Variants in NSD3 observed in about 807,000 individuals in gnomAD.
The protein encoded by NSD3 is histone-lysine N-methyltransferase NSD3.
A neutral mutation model predicts 160.8 loss-of-function variants in NSD3; 24 were observed. The observed-to-expected ratio is 0.15, with a 90% CI of 0.11 to 0.21. NSD3 has a LOEUF of 0.21. NSD3 is among the 10% of genes least tolerant of loss of function. The probability of loss-of-function intolerance (pLI) is 1.00; values close to 1 mark genes in which losing one functional copy is unlikely to be tolerated. For missense variants in NSD3, 1,157 were observed against 1,735.9 expected, an observed-to-expected ratio of 0.67 and a Z score of 5.93; for synonymous variants, 520 against 600.0, an observed-to-expected ratio of 0.87 and a Z score of 1.95.
rs1224355679 is a variant in NSD3 at position 38,317,571 on chromosome 8, AT to A, written c.1855+1323del. ...GATAACGGCACTAATATTAAAAAAA[AT>A]AAGAACTTTTAATGATTGTAATGTA... is the stretch of plus-strand genomic sequence containing the variant. On this transcript the variant is annotated intron_variant, in intron 9 of 23. Transcript: ENST00000317025. The surrounding 1 kb of genome is among the most constrained non-coding windows in gnomAD (Gnocchi z 5.3). 4 of 1,072,348 alleles carry A rather than the reference AT, an allele frequency of 3.7e-6. No homozygotes were observed. Among genetic ancestry groups the A allele is most frequent in the East Asian group, 5.2e-5 (1 of 19,402 alleles). 66.4% of individuals were successfully genotyped at this position (1,072,348 alleles called of 1,614,324 possible). A position where few individuals can be genotyped will look rare whatever the true frequency, so the allele number is the denominator to read the frequency against.
intron 1 of NSD3, among the ~76,000 whole-genome samples, chr8:38,379,725 G>C (rs1811489441): frequency 6.6e-6 from 1 of 152,158 alleles, no homozygotes; most frequent in South Asian, 2.1e-4. Context: ...AGTTCAACTG[G>C]TTTGAGTCCA....
At chr8:38,372,303 A>G (rs1316237836) in intron 1 of NSD3, among the ~76,000 whole-genome samples, 1 of 152,180 alleles carries the variant, frequency 6.6e-6, no homozygotes, top group Admixed American at 6.5e-5. Context: ...GCACTTTCTT[A>G]CAGGATTCAG....
In NSD3 at chr8:38,338,779, T is replaced by C. The variant is rs967541436; in HGVS notation, c.676-172A>G. ...ATACAACTTACTCAATACCTAATGCTGTCTCAACATTCATTTTCCACCCCA... is the reference window on the plus strand; with the variant it reads ...ATACAACTTACTCAATACCTAATGCCGTCTCAACATTCATTTTCCACCCCA... On this transcript the variant is annotated intron_variant, in intron 2 of 23. Transcript: ENST00000317025. Among the ~76,000 whole-genome samples the C allele has an allele frequency of 3.9e-5, 6 of 152,242 alleles. No homozygotes were observed. The East Asian group carries it at 7.7e-4, about 19-fold the overall frequency.
intron 19 of NSD3, among the ~76,000 whole-genome samples, chr8:38,284,216 T>G (rs1808802789): frequency 6.6e-6 from 1 of 152,252 alleles, no homozygotes; most frequent in Non-Finnish European, 1.5e-5. Flanking sequence ...GTTCTGCACA[T>G]TTTTCTATTA....
At chr8:38,294,954 T>C (rs1809097497) in intron 16 of NSD3, among the ~76,000 whole-genome samples, 1 of 151,296 alleles carries the variant, frequency 6.6e-6, no homozygotes. Flanking sequence ...CCATCCTGCC[T>C]AACACAGTGA....
At chr8:38,300,140 T>C (rs1191537941) in intron 14 of NSD3, among the ~76,000 whole-genome samples, 2 of 151,562 alleles carry the variant, frequency 1.3e-5, no homozygotes, top group South Asian at 4.2e-4. Context: ...ATCAATATGG[T>C]ACATGTTTTA....
chr8:38,291,520 G>A (rs1321814852), intron 16 of NSD3, among the ~76,000 whole-genome samples: 1 of 152,120 alleles, frequency 6.6e-6, no homozygotes, highest in African/African-American at 2.4e-5. Context: ...GATAAATGAT[G>A]ACATGATTGC....
chr8:38,348,563 C>G (rs1261249557), intron 1 of NSD3, among the ~76,000 whole-genome samples: 1 of 152,222 alleles, frequency 6.6e-6, no homozygotes, highest in Non-Finnish European at 1.5e-5. Context: ...TAAGCAGTGT[C>G]CTGACACATA....
chr8:38,289,351 CTTATT>C (rs779163341), intron 18 of NSD3, 37 bp downstream of exon 18: 1 of 1,526,924 alleles, frequency 6.5e-7, no homozygotes, highest in Admixed American at 1.9e-5. Context: ...TACTTTGTTT[CTTATT>C]TTATTTGGCA....
chr8:38,305,127 T>C (rs1585870817), intron 13 of NSD3, 121 bp downstream of exon 13: 1 of 990,824 alleles, frequency 1.0e-6, no homozygotes, highest in Non-Finnish European at 1.5e-6. Context: ...GTGGCTGAAC[T>C]GTTAAAGCTA....
At position 38,305,465 on chromosome 8, in the gene NSD3, T is replaced by C. The variant is rs1809372761; in HGVS notation, c.2243-20A>G. ...GCTGCCCTGGAAAATTGGTGAGGAA[T>C]ACAAATTAAATAAAATTGACTAAAG... On this transcript the variant is annotated intron_variant, in intron 12 of 23. Transcript: ENST00000317025. The C allele has an allele frequency of 2.5e-6, 4 of 1,611,862 alleles. No homozygotes were observed. Among genetic ancestry groups the C allele is most frequent in the Non-Finnish European group, 2.5e-6 (3 of 1,178,598 alleles).
chr8:38,289,468 T>G lies in NSD3; in HGVS notation c.3156A>C (p.Lys1052Asn), dbSNP rs373439045. 1.9e-6 allele frequency: 3 copies of G among 1,613,822 alleles called. No homozygotes were observed. The African/African-American group carries it at 4.0e-5, about 22-fold the overall frequency. The change falls in exon 18 of 24, where the codon AAA (lysine) becomes AAC (asparagine). Residue 1052 changes from lysine (K) to asparagine (N), a missense_variant. By Grantham distance (94) the Lys-to-Asn change is moderately conservative. This residue lies in a region of NSD3 where 437 missense variants were observed against 576.6 expected (regional missense o/e 0.76). Transcript: ENST00000317025. ...GGGCTTCTTTACTTTCTCTTTGTGC[T>G]TTCAATTCCTGGAAACGTTTTGCAG... is the stretch of plus-strand genomic sequence containing the variant. Reference protein sequence around the residue: ...EEAAKRFQELKAQRESKEALE... With the variant: ...EEAAKRFQELNAQRESKEALE...
chr8:38,309,446 C>A (rs555844027), intron 12 of NSD3, among the ~76,000 whole-genome samples: 2 of 151,800 alleles, frequency 1.3e-5, no homozygotes, highest in Admixed American at 1.3e-4. Context: ...CCAGCCAGGG[C>A]GACAGAGCAA....
At chr8:38,307,078 G>A (rs1278544094) in intron 12 of NSD3, among the ~76,000 whole-genome samples, 13 of 145,672 alleles carry the variant, frequency 8.9e-5, no homozygotes, top group African/African-American at 7.6e-5. Context: ...TCGCGCCACC[G>A]CACTCCAGCC....
chr8:38,303,791 A>G (rs1264534132), intron 14 of NSD3, among the ~76,000 whole-genome samples: 1 of 152,188 alleles, frequency 6.6e-6, no homozygotes, highest in Non-Finnish European at 1.5e-5. Flanking sequence ...AAGTCAGAAA[A>G]CTTTGCACTT....
intron 3 of NSD3, among the ~76,000 whole-genome samples, chr8:38,338,137 T>TA: frequency 6.6e-6 from 1 of 151,834 alleles, no homozygotes; most frequent in Non-Finnish European, 1.5e-5. Context: ...CCGTCTCTAC[T>TA]AAAAATACAA....
intron 12 of NSD3, among the ~76,000 whole-genome samples, chr8:38,308,619 G>C (rs1271640525): frequency 1.1e-4 from 16 of 151,916 alleles, no homozygotes. Flanking sequence ...AGGAGTTCAA[G>C]ACCAGCCTGA....
intron 4 of NSD3, among the ~76,000 whole-genome samples, chr8:38,336,863 C>T (rs888538436): frequency 5.3e-5 from 8 of 152,124 alleles, no homozygotes; most frequent in African/African-American, 1.4e-4. Flanking sequence ...ATACAGAGGC[C>T]GGGCGCAGTG....
At chr8:38,309,583 G>A (rs1340204232) in intron 12 of NSD3, among the ~76,000 whole-genome samples, 1 of 152,142 alleles carries the variant, frequency 6.6e-6, no homozygotes, top group African/African-American at 2.4e-5. Flanking sequence ...AGCCTGGGAG[G>A]TCAAGGCTGC....
Sources: allele counts gnomAD v4.1 joint callset (sites outside exome capture counted in the v4.1 genomes callset), GRCh38; gene constraint gnomAD v4.1.1; regional missense constraint gnomAD v4.1.1; non-coding constraint Gnocchi (gnomAD v3.1); transcripts MANE v1.5; gene names NCBI Gene and HGNC (gene_info 2026-07-23, HGNC 2026-07-21).